ZCCHC7: variants seen among roughly 807,000 people sequenced by gnomAD.
ZCCHC7 encodes zinc finger CCHC domain-containing protein 7.
Under a neutral mutation model 52.0 loss-of-function variants are expected in ZCCHC7, and 35 were observed. That is an observed-to-expected ratio of 0.67 (90% CI 0.51 to 0.89). ZCCHC7 has a LOEUF of 0.89. Ranked by LOEUF, ZCCHC7 falls within the 40% of genes least tolerant of loss-of-function variation. The pLI is 0.00. For synonymous variants in ZCCHC7, 217 were observed against 221.5 expected, an observed-to-expected ratio of 0.98 and a Z score of 0.18; for missense variants, 574 against 649.1, an observed-to-expected ratio of 0.88 and a Z score of 1.26.
In ZCCHC7 at chr9:37,253,837, A is replaced by G. The variant is rs566437414; in HGVS notation, c.611-48351A>G. On this transcript the variant is annotated intron_variant, in intron 2 of 8. Transcript: ENST00000336755. ...ACAGTTTAAAGTTGACTCTTTAAAG[A>G]TAGTCCTTTTATACAATTAAACCAT... Among the ~76,000 whole-genome samples the G allele has an allele frequency of 4.6e-5, 7 of 152,126 alleles. No individual in the cohort carries two copies. The East Asian group carries it at 1.3e-3, about 29-fold the overall frequency.
rs535025809 is a variant in ZCCHC7, at chr9:37,124,068, C to G, written c.-21-2244C>G. Among the ~76,000 whole-genome samples, 6 of 152,252 alleles carry G rather than the reference C, an allele frequency of 3.9e-5. No individual in the cohort carries two copies. In the East Asian group the frequency reaches 1.2e-3, roughly 29 times the overall value. On this transcript the variant is annotated intron_variant, in intron 1 of 8. Transcript: ENST00000336755. ...TTTGGGATTAAGGTGGTTCTATTAC[C>G]AGAACTACCACCACAACACCCTGGT...
intron 2 of ZCCHC7, among the ~76,000 whole-genome samples, chr9:37,217,414 T>C (rs897692906): frequency 7.9e-5 from 12 of 152,132 alleles, no homozygotes; most frequent in African/African-American, 2.4e-4. Flanking sequence ...ATAAAAACTT[T>C]TAGGAACTCA....
intron 2 of ZCCHC7, among the ~76,000 whole-genome samples, chr9:37,263,038 G>A (rs1427655223): frequency 2.6e-5 from 4 of 152,096 alleles, no homozygotes; most frequent in Non-Finnish European, 5.9e-5. Flanking sequence ...TTAAAAATGA[G>A]CATCAGATTT....
chr9:37,177,110 G>C (rs1822079538), intron 2 of ZCCHC7, among the ~76,000 whole-genome samples: 1 of 152,158 alleles, frequency 6.6e-6, no homozygotes, highest in South Asian at 2.1e-4. Flanking sequence ...GGGAGGCCAG[G>C]GTGGGCAGAT....
intron 2 of ZCCHC7, among the ~76,000 whole-genome samples, chr9:37,164,253 C>A (rs1395651686): frequency 6.6e-6 from 1 of 151,992 alleles, no homozygotes; most frequent in South Asian, 2.1e-4. Context: ...ACCAGCCTGG[C>A]CAAAATGGCA....
rs992524117 is a variant in ZCCHC7 at position 37,306,079 on chromosome 9, A to T, written c.951+365A>T. Among the ~76,000 whole-genome samples, 11 of 152,016 alleles carry T rather than the reference A, an allele frequency of 7.2e-5. No homozygotes were observed. The East Asian group carries it at 7.7e-4, about 11-fold the overall frequency. On this transcript the variant is annotated intron_variant, in intron 5 of 8. Coordinates refer to ENST00000336755, the MANE Select transcript of ZCCHC7 (RefSeq NM_032226.3). ...TTCATATTTATTTATTTATTTATTTATTTTTTGAGACATAGTCTCACTCTG... is the reference window on the plus strand; with the variant it reads ...TTCATATTTATTTATTTATTTATTTTTTTTTTGAGACATAGTCTCACTCTG...
intron 2 of ZCCHC7, among the ~76,000 whole-genome samples, chr9:37,142,779 A>G (rs1282990721): frequency 2.0e-5 from 3 of 151,770 alleles, no homozygotes; most frequent in African/African-American, 4.8e-5. Flanking sequence ...ATTGATATTC[A>G]TATGTAATTA....
At chr9:37,196,315 A>T (rs1342451880) in intron 2 of ZCCHC7, among the ~76,000 whole-genome samples, 2 of 152,216 alleles carry the variant, frequency 1.3e-5, no homozygotes, top group African/African-American at 4.8e-5. Flanking sequence ...GTGAAACTTT[A>T]TCTGTAGATG....
chr9:37,141,466 G>A (rs1308825158), intron 2 of ZCCHC7, among the ~76,000 whole-genome samples: 5 of 151,738 alleles, frequency 3.3e-5, no homozygotes, highest in African/African-American at 4.8e-5. Flanking sequence ...AATAACAGAA[G>A]CAATTTAATT....
chr9:37,186,725 T>C, intron 2 of ZCCHC7: 1 of 597,498 alleles, frequency 1.7e-6, no homozygotes, highest in Non-Finnish European at 3.2e-6. Context: ...AAGAATAAAA[T>C]CTTTATGAAC....
intron 2 of ZCCHC7, chr9:37,205,387 C>G (rs1823850153): frequency 6.2e-6 from 1 of 160,568 alleles, no homozygotes; most frequent in Non-Finnish European, 1.4e-5. Context: ...TCCTCCCTTA[C>G]TAGAAAATGA....
At chr9:37,249,456 C>CTTTTTTTTTTTTTTTTTT (rs60166399) in intron 2 of ZCCHC7, among the ~76,000 whole-genome samples, 114 of 111,238 alleles carry the variant, frequency 1.0e-3, no homozygotes, top group African/African-American at 3.3e-3. Context: ...CTTCTTCTTC[C>CTTTTTTTTTTTTTTTTTT]TTTTTTTTTT....
intron 2 of ZCCHC7, among the ~76,000 whole-genome samples, chr9:37,282,904 G>A (rs1240112590): frequency 7.3e-6 from 1 of 137,316 alleles, no homozygotes; most frequent in Non-Finnish European, 1.6e-5. Context: ...TAATGAAAAT[G>A]GCATTTGTTC....
chr9:37,337,640 T>C (rs1830741956), intron 6 of ZCCHC7, among the ~76,000 whole-genome samples: 1 of 152,272 alleles, frequency 6.6e-6, no homozygotes, highest in Middle Eastern at 3.4e-3. Context: ...GCACATTGCT[T>C]ATTTATGCAG....
intron 2 of ZCCHC7, among the ~76,000 whole-genome samples, chr9:37,301,968 A>G (rs1454876170): frequency 1.3e-5 from 2 of 152,192 alleles, no homozygotes; most frequent in East Asian, 1.9e-4. Flanking sequence ...AAATACTATT[A>G]TCCCATTTCA....
intron 2 of ZCCHC7, among the ~76,000 whole-genome samples, chr9:37,204,101 C>T (rs766435698): frequency 1.3e-5 from 2 of 152,116 alleles, no homozygotes; most frequent in Non-Finnish European, 2.9e-5. Context: ...GTGTAAATGT[C>T]GTCTTTTGAT....
intron 2 of ZCCHC7, among the ~76,000 whole-genome samples, chr9:37,221,423 T>A (rs1197642301): frequency 1.3e-5 from 2 of 152,144 alleles, no homozygotes; most frequent in Admixed American, 6.5e-5. Context: ...GAATAAACAA[T>A]GGCTATGGAT....
chr9:37,271,850 G>A lies in ZCCHC7; in HGVS notation c.611-30338G>A, dbSNP rs75952929. On this transcript the variant is annotated intron_variant, in intron 2 of 8. Coordinates refer to ENST00000336755, the MANE Select transcript of ZCCHC7 (RefSeq NM_032226.3). ...CTCCCAAATTGCTGGGATTATATGC[G>A]TGAGTCACTGCGCCCGGCCATTATT... Among the ~76,000 whole-genome samples the A allele has an allele frequency of 3.9e-5, 6 of 152,282 alleles. No homozygotes were observed. In the East Asian group the frequency reaches 1.2e-3, roughly 29 times the overall value.
chr9:37,306,676 G>A (rs1441934435), intron 5 of ZCCHC7, among the ~76,000 whole-genome samples: 1 of 143,536 alleles, frequency 7.0e-6, no homozygotes, highest in Non-Finnish European at 1.5e-5. Context: ...CGTTGGCCAG[G>A]ATGGTCTCGA....
Sources: gnomAD v4.1 joint callset for allele counts (sites outside exome capture counted in the v4.1 genomes callset) on GRCh38, gnomAD v4.1.1 for gene constraint, MANE v1.5 for transcripts, NCBI Gene and HGNC (gene_info 2026-07-23, HGNC 2026-07-21) for gene names.